USH1C: variants seen among roughly 807,000 people sequenced by gnomAD.
USH1C encodes harmonin.
USH1C carries 90 observed loss-of-function variants against 119.3 expected under a neutral mutation model. The ratio of observed to expected loss-of-function variants is 0.75; its 90% CI spans 0.64 to 0.90. USH1C has a LOEUF of 0.90. Among genes scored for constraint, USH1C ranks in the 40% least tolerant of loss-of-function variants. The probability of loss-of-function intolerance (pLI) is 0.00; values close to 1 mark genes in which losing one functional copy is unlikely to be tolerated. For missense variants in USH1C, 1,165 were observed against 1,167.7 expected, an observed-to-expected ratio of 1.00 and a Z score of 0.03; for synonymous variants, 465 against 443.3, an observed-to-expected ratio of 1.05 and a Z score of -0.62.
In USH1C at chr11:17,494,382, G is replaced by A. The variant is rs1405284596; in HGVS notation, c.2656-6C>T. ...TTGGACTTCAGAAGAAGGTCCTGCA[G>A]GGAAGTGGAAACAGCCCAGGTGGAT... On this transcript the variant is annotated splice_polypyrimidine_tract_variant and splice_region_variant and intron_variant, in intron 26 of 26. Transcript: ENST00000005226. The A allele has an allele frequency of 6.3e-7, 1 of 1,595,636 alleles. No individual in the cohort carries two copies. Among genetic ancestry groups the A allele is most frequent in the African/African-American group, 1.3e-5 (1 of 74,546 alleles).
At position 17,531,256 on chromosome 11, in the gene USH1C, G is replaced by A. The variant is rs374515579; in HGVS notation, c.285C>T (p.Pro95=). 6 of 1,614,084 alleles carry A rather than the reference G, an allele frequency of 3.7e-6. No individual in the cohort carries two copies. In the South Asian group the frequency reaches 5.5e-5, roughly 15 times the overall value. The change falls in exon 4 of 27, where the codon CCC becomes CCT. Residue 95 remains proline (P), a synonymous_variant. Coordinates refer to ENST00000005226, the MANE Select transcript of USH1C (RefSeq NM_153676.4). This position sits in a 1 kb window ranked among gnomAD's most constrained non-coding sequence, Gnocchi z 4.2. The part of the protein sequence containing the change: ...LKEVRLDRLH[P]EGLGLSVRGG... ...CACGCACACTCAGGCCGAGGCCTTC[G>A]GGGTGCAGACGGTCCAGACGCACCT...
Position 17,498,197 on chromosome 11 carries a change from C to T in USH1C, c.2455G>A (p.Glu819Lys). Residue 819 changes from glutamate (E) to lysine (K), a missense_variant, in exon 24 of 27, where the codon GAG becomes AAG. By Grantham distance (56) the Glu-to-Lys change is moderately conservative. Coordinates refer to ENST00000005226, the MANE Select transcript of USH1C (RefSeq NM_153676.4). ...IVTDYTLAEA[E>K]AALQKAWNQG... ...TTCCAGGCCTTCTGCAGGGCAGCCT[C>T]AGCCTCAGCCAGGGTGTAGTCTGTC... The T allele has an allele frequency of 1.2e-6, 2 of 1,614,208 alleles. No homozygotes were observed. Among genetic ancestry groups the T allele is most frequent in the African/African-American group, 1.3e-5 (1 of 75,070 alleles).
At chr11:17,538,761 AGAGGCGTGGGGAGACAG>A (rs1257746419) in intron 1 of USH1C, among the ~76,000 whole-genome samples, 1 of 152,024 alleles carries the variant, frequency 6.6e-6, no homozygotes, top group African/African-American at 2.4e-5. Flanking sequence ...GCAGGAGATG[AGAGGCGTGGGGAGACAG>A]GAACTGAGGC....
intron 9 of USH1C, 75 bp from the exon 10 acceptor site, chr11:17,523,553 C>T: frequency 3.4e-6 from 5 of 1,461,396 alleles, no homozygotes; most frequent in Non-Finnish European, 4.8e-6. Flanking sequence ...CAGGCTCCCC[C>T]AGGGGCTCTG....
chr11:17,522,016 AG>A (rs964359646), intron 12 of USH1C, among the ~76,000 whole-genome samples: 1 of 152,012 alleles, frequency 6.6e-6, no homozygotes, highest in African/African-American at 2.4e-5. Context: ...TATTTTTAGT[AG>A]AGACACAGTT....
At chr11:17,541,670 G>T (rs1851472298) in intron 1 of USH1C, among the ~76,000 whole-genome samples, 1 of 152,178 alleles carries the variant, frequency 6.6e-6, no homozygotes, top group Non-Finnish European at 1.5e-5. Flanking sequence ...CTGGCCCAAG[G>T]TTGCTACTAG....
Position 17,517,436 on chromosome 11 carries a change from C to A in USH1C, c.1211-1146G>T. On this transcript the variant is annotated intron_variant, in intron 14 of 26. Transcript: ENST00000005226. ...TGCTCCTCCGTGCCTCCATCCAGGTCATCTGCGGGCTCGAGCTCAGGTTCC... is the reference window on the plus strand; with the variant it reads ...TGCTCCTCCGTGCCTCCATCCAGGTAATCTGCGGGCTCGAGCTCAGGTTCC... The A allele has an allele frequency of 6.3e-7, 1 of 1,596,142 alleles. No homozygotes were observed. Among genetic ancestry groups the A allele is most frequent in the African/African-American group, 1.3e-5 (1 of 74,754 alleles).
chr11:17,501,218 G>T (rs1849430606), intron 22 of USH1C, 68 bp from the exon 23 acceptor site: 4 of 1,326,794 alleles, frequency 3.0e-6, no homozygotes, highest in Non-Finnish European at 4.3e-6. Flanking sequence ...GGGCACCAAG[G>T]AGTCTCTTGA....
At chr11:17,513,339 C>A (rs61040045) in intron 15 of USH1C, among the ~76,000 whole-genome samples, 4 of 151,962 alleles carry the variant, frequency 2.6e-5, no homozygotes, top group Admixed American at 6.5e-5. Flanking sequence ...TGAGCTCACC[C>A]CCGCCCCCAA....
At chr11:17,496,868 C>T in intron 24 of USH1C, 55 bp from the exon 25 acceptor site, 1 of 1,594,630 alleles carries the variant, frequency 6.3e-7, no homozygotes, top group Middle Eastern at 1.7e-4. Context: ...GGTGCATCTG[C>T]CCCGGCACTC....
At position 17,509,376 on chromosome 11, in the gene USH1C, T is replaced by C; in HGVS notation, c.1993A>G (p.Ser665Gly). ...KPTNSPVPEQ[S>G]FPPTPKTFCP... Reference sequence around the variant, plus strand: ...ATTACCTTTGGGGTGGGTGGGAAGCTCTGTTCAGGGACAGGGGAGTTAGTG... The same window carrying C: ...ATTACCTTTGGGGTGGGTGGGAAGCCCTGTTCAGGGACAGGGGAGTTAGTG... The change falls in exon 18 of 27, where the codon AGC becomes GGC. Residue 665 changes from serine (S) to glycine (G), a missense_variant. Physicochemically the swap from Ser to Gly is moderately conservative, Grantham distance 56 (BLOSUM62 0). Coordinates refer to ENST00000005226, the MANE Select transcript of USH1C (RefSeq NM_153676.4). 6.3e-7 allele frequency: 1 copy of C among 1,584,112 alleles called. No individual in the cohort carries two copies. The highest frequency in any genetic ancestry group is 8.6e-7 in the Non-Finnish European group (1 of 1,160,824).
chr11:17,526,491 C>T (rs772445415), intron 7 of USH1C, 50 bp from the exon 8 acceptor site: 53 of 1,534,754 alleles, frequency 3.5e-5, no homozygotes, highest in Middle Eastern at 3.4e-4. Flanking sequence ...TGCGTGCAAG[C>T]GGCCTCTTGA....
At chr11:17,519,009 A>G (rs1850289487) in intron 14 of USH1C, among the ~76,000 whole-genome samples, 1 of 150,662 alleles carries the variant, frequency 6.6e-6, no homozygotes, top group Admixed American at 6.6e-5. Context: ...CAACAAGAGC[A>G]AAACTCTGTC....
At chr11:17,540,112 G>A (rs541623575) in intron 1 of USH1C, among the ~76,000 whole-genome samples, 13 of 152,204 alleles carry the variant, frequency 8.5e-5, no homozygotes, top group South Asian at 4.2e-4. Context: ...GATTTCAGGC[G>A]TGAGCCGCCA....
Position 17,521,392 on chromosome 11 carries a change from G to A in USH1C, c.1039C>T (p.Gln347Ter), listed in dbSNP as rs762551629. The change falls in exon 13 of 27, where the codon CAG becomes TAG. Residue 347 changes from glutamine (Q) to a stop codon, truncating the protein, a stop_gained. Transcript: ENST00000005226. LOFTEE classifies it high-confidence loss of function. ...CTCTCATTTTCCTCTGCTGCCTTCT[G>A]GGCAATTTCTTTTCTCCTTCTGAAA... is the stretch of plus-strand genomic sequence containing the variant. ...MERQRRKEIA[Q>*]KAAEENERYR... 3.0e-5 allele frequency: 49 copies of A among 1,613,978 alleles called. No individual in the cohort carries two copies. Among genetic ancestry groups the A allele is most frequent in the Non-Finnish European group, 4.1e-5 (48 of 1,180,024 alleles).
At chr11:17,518,015 T>C (rs12793661) in intron 14 of USH1C, among the ~76,000 whole-genome samples, 13,724 of 152,242 alleles carry the variant, frequency 0.09, 720 homozygotes, top group South Asian at 0.26. Flanking sequence ...AATTTTGACA[T>C]AATGTGGAGA....
At position 17,496,830 on chromosome 11, in the gene USH1C, T is replaced by C. The variant is rs1190925557; in HGVS notation, c.2491-17A>G. 11 of 1,614,068 alleles carry C rather than the reference T, an allele frequency of 6.8e-6. No individual in the cohort carries two copies. In the South Asian group the frequency reaches 8.8e-5, roughly 13 times the overall value. On this transcript the variant is annotated splice_polypyrimidine_tract_variant and intron_variant, in intron 24 of 26. Transcript: ENST00000005226. ...GATCCAGTCCTGTGGGGAGAAGCCG[T>C]GTGACTCTGGGGCACACTCAGTTGG... is the stretch of plus-strand genomic sequence containing the variant.
At chr11:17,544,093 C>G (rs562686112) in intron 1 of USH1C, among the ~76,000 whole-genome samples, 179 bp downstream of exon 1, 1 of 152,264 alleles carries the variant, frequency 6.6e-6, no homozygotes, top group Admixed American at 6.5e-5. Flanking sequence ...CCCCGCATTC[C>G]CTCCCTCACT....
In USH1C at chr11:17,502,031, T is replaced by C. The variant is rs185297331; in HGVS notation, c.2185-51A>G. 5.7e-5 allele frequency: 91 copies of C among 1,594,354 alleles called. 1 individual carries two copies. In the East Asian group the frequency reaches 1.9e-3, roughly 33 times the overall value. Reference sequence around the variant, plus strand: ...GCAACACAGCAGAGGGTCTTGAGGGTCAGAGCCGAGGAGTAGGGGGATGAA... The same window carrying C: ...GCAACACAGCAGAGGGTCTTGAGGGCCAGAGCCGAGGAGTAGGGGGATGAA... On this transcript the variant is annotated intron_variant, in intron 20 of 26. Coordinates refer to ENST00000005226, the MANE Select transcript of USH1C (RefSeq NM_153676.4).
Sources: gnomAD v4.1 joint callset for allele counts (sites outside exome capture counted in the v4.1 genomes callset) on GRCh38, gnomAD v4.1.1 for gene constraint, Gnocchi (gnomAD v3.1) non-coding constraint, MANE v1.5 for transcripts, NCBI Gene and HGNC (gene_info 2026-07-23, HGNC 2026-07-21) for gene names.